The following DOK6 variants were observed in gnomAD, a reference collection of about 807,000 sequenced individuals.
DOK6 encodes the protein docking protein 6.
A neutral mutation model predicts 44.0 loss-of-function variants in DOK6; 22 were observed. The observed-to-expected ratio is 0.50, with a 90% CI of 0.36 to 0.71. DOK6 has a LOEUF of 0.71. DOK6 is among the 30% of genes least tolerant of loss of function. The pLI is 0.00. For missense variants in DOK6, 340 were observed against 416.4 expected (o/e 0.82, Z 1.60); for synonymous variants, 166 against 145.5 (o/e 1.14, Z -1.01).
chr18:69,665,542 T>A (rs914939934), intron 3 of DOK6, among the ~76,000 whole-genome samples: 1 of 151,778 alleles, frequency 6.6e-6, no homozygotes, highest in African/African-American at 2.4e-5. Context: ...TTTCTGGGAG[T>A]TTTCCAATTT....
chr18:69,488,180 C>T (rs1472349203), intron 1 of DOK6, among the ~76,000 whole-genome samples: 1 of 152,124 alleles, frequency 6.6e-6, no homozygotes, highest in African/African-American at 2.4e-5. Flanking sequence ...GGTGGGCTGT[C>T]TTGTGTCTCT....
chr18:69,661,074 A>G (rs1985513253), intron 3 of DOK6: 1 of 152,204 alleles, frequency 6.6e-6, no homozygotes, highest in Non-Finnish European at 1.5e-5. Context: ...AGCAAATTAT[A>G]TCCTGTTTTT....
In DOK6 at chr18:69,842,232, A is replaced by G. The variant is rs532717764; in HGVS notation, c.*849A>G. 2.6e-5 allele frequency: 4 copies of G among 151,860 alleles called. No individual in the cohort carries two copies. Among genetic ancestry groups the G allele is most frequent in the Admixed American group, 2.6e-4 (4 of 15,256 alleles). 9.4% of individuals were successfully genotyped at this position (151,860 alleles called of 1,614,324 possible). A position where few individuals can be genotyped will look rare whatever the true frequency, so the allele number is the denominator to read the frequency against. ...GTGTAAGCAAAAATGTGAGAAGGGG[A>G]ACATTCAGAAGCAAAAGAACCAGTC... On this transcript the variant is annotated 3_prime_UTR_variant, in exon 8 of 8. Coordinates refer to ENST00000382713, the MANE Select transcript of DOK6 (RefSeq NM_152721.6).
chr18:69,599,429 G>A lies in DOK6; in HGVS notation c.220G>A (p.Glu74Lys), dbSNP rs771728999. 1 of 1,613,932 alleles carries A rather than the reference G, an allele frequency of 6.2e-7. No individual in the cohort carries two copies. The highest frequency in any genetic ancestry group is 8.5e-7 in the Non-Finnish European group (1 of 1,179,974). ...CAAAAATATAACCAGACTGCCCCGA[G>A]AGACAAAGAAGCATGCGGTGGCAAT... ...NIKNITRLPR[E>K]TKKHAVAIIF... Residue 74 changes from glutamate (E) to lysine (K), a missense_variant, in exon 3 of 8, where the codon GAG (glutamate) becomes AAG (lysine). Around this residue, in one of 3 missense-constraint regions of DOK6, gnomAD observed 206 missense variants for 258.6 expected, o/e 0.80. Transcript: ENST00000382713.
chr18:69,518,695 A>G (rs1981602316), intron 1 of DOK6, among the ~76,000 whole-genome samples: 1 of 152,170 alleles, frequency 6.6e-6, no homozygotes, highest in East Asian at 1.9e-4. Flanking sequence ...CTTTGGCTAA[A>G]GAGAAAACAA....
chr18:69,732,120 T>C lies in DOK6; in HGVS notation c.600-6845T>C, dbSNP rs75231552. ...TTTTTTCCTATCAGAAACTAGAAAA[T>C]CAATACTTTTTATTTAGCCATTATA... On this transcript the variant is annotated intron_variant, in intron 5 of 7. Coordinates refer to ENST00000382713, the MANE Select transcript of DOK6 (RefSeq NM_152721.6). Among the ~76,000 whole-genome samples the C allele has an allele frequency of 6.4e-3, 969 of 152,284 alleles. 10 individuals carry two copies. The highest frequency in any genetic ancestry group is 0.011 in the Non-Finnish European group (716 of 68,006).
At chr18:69,443,749 G>C (rs1979201111) in intron 1 of DOK6, among the ~76,000 whole-genome samples, 2 of 152,084 alleles carry the variant, frequency 1.3e-5, no homozygotes, top group Non-Finnish European at 2.9e-5. Context: ...ACTCTGTCTT[G>C]TTTGAAGGAG....
At chr18:69,623,898 C>T (rs932141446) in intron 3 of DOK6, among the ~76,000 whole-genome samples, 1 of 152,140 alleles carries the variant, frequency 6.6e-6, no homozygotes, top group Non-Finnish European at 1.5e-5. Flanking sequence ...ATACTGCATA[C>T]ATTTCAGCTT....
At chr18:69,489,432 G>A (rs914082034) in intron 1 of DOK6, among the ~76,000 whole-genome samples, 2 of 152,138 alleles carry the variant, frequency 1.3e-5, no homozygotes, top group Non-Finnish European at 2.9e-5. Flanking sequence ...CTGTGTACTT[G>A]CAGTGATTTC....
intron 3 of DOK6, among the ~76,000 whole-genome samples, chr18:69,664,959 A>T (rs1323482402): frequency 6.6e-6 from 1 of 152,140 alleles, no homozygotes; most frequent in Non-Finnish European, 1.5e-5. Flanking sequence ...TGGGTGGGTC[A>T]CGAGGTCAGG....
chr18:69,788,285 T>G (rs1290916577), intron 7 of DOK6, among the ~76,000 whole-genome samples: 3 of 152,356 alleles, frequency 2.0e-5, no homozygotes, highest in Admixed American at 1.3e-4. Flanking sequence ...TTACTAGTTG[T>G]GTGTGTTAAT....
intron 1 of DOK6, among the ~76,000 whole-genome samples, chr18:69,485,810 T>A (rs1192827105): frequency 1.3e-5 from 2 of 152,022 alleles, no homozygotes; most frequent in African/African-American, 4.8e-5. Context: ...TTCTGTCTCA[T>A]TGCAGACTTC....
chr18:69,445,626 T>A (rs1056918013), intron 1 of DOK6, among the ~76,000 whole-genome samples: 2 of 152,198 alleles, frequency 1.3e-5, no homozygotes, highest in African/African-American at 4.8e-5. Flanking sequence ...GTTGAACCAC[T>A]CTTTCATTTC....
chr18:69,526,010 A>G (rs1031223793), intron 1 of DOK6, among the ~76,000 whole-genome samples: 2 of 152,084 alleles, frequency 1.3e-5, no homozygotes, highest in Admixed American at 6.6e-5. Context: ...GTATATAAAT[A>G]TATTATTTTA....
intron 2 of DOK6, among the ~76,000 whole-genome samples, chr18:69,573,707 G>A (rs941197204): frequency 6.6e-6 from 1 of 151,628 alleles, no homozygotes; most frequent in Non-Finnish European, 1.5e-5. Flanking sequence ...ATTACCTAAG[G>A]CTTGTTTCTT....
chr18:69,407,783 A>G (rs1444471295), intron 1 of DOK6, among the ~76,000 whole-genome samples: 1 of 152,240 alleles, frequency 6.6e-6, no homozygotes, highest in African/African-American at 2.4e-5. Context: ...CAACATGTGC[A>G]AAATATTTTG....
intron 2 of DOK6, among the ~76,000 whole-genome samples, chr18:69,593,875 G>A (rs1366356429): frequency 6.6e-6 from 1 of 152,040 alleles, no homozygotes; most frequent in Non-Finnish European, 1.5e-5. Flanking sequence ...TATCATTCTT[G>A]TGTTTATCTT....
intron 1 of DOK6, among the ~76,000 whole-genome samples, chr18:69,413,116 A>T (rs1290740765): frequency 6.6e-6 from 1 of 152,100 alleles, no homozygotes; most frequent in Non-Finnish European, 1.5e-5. Context: ...TCCTATTTTG[A>T]AATAATAAAA....
intron 1 of DOK6, among the ~76,000 whole-genome samples, chr18:69,526,808 A>G (rs1358806822): frequency 6.6e-6 from 1 of 152,212 alleles, no homozygotes; most frequent in Non-Finnish European, 1.5e-5. Context: ...ATAAGTGCTG[A>G]GAGACCAAGG....
Sources: allele counts gnomAD v4.1 joint callset (sites outside exome capture counted in the v4.1 genomes callset), GRCh38; gene constraint gnomAD v4.1.1; regional missense constraint gnomAD v4.1.1; transcripts MANE v1.5; gene names NCBI Gene and HGNC (gene_info 2026-07-23, HGNC 2026-07-21).